Variants in TMEM14B observed in about 807,000 individuals in gnomAD.
TMEM14B encodes the protein transmembrane protein 14B.
In TMEM14B, 9 loss-of-function variants were observed where a neutral mutation model predicts 14.8. The ratio of observed to expected loss-of-function variants is 0.61; its 90% CI spans 0.37 to 1.06. The LOEUF (loss-of-function observed/expected upper bound fraction) is 1.06, where lower values mean the gene tolerates loss of function less well. Among genes scored for constraint, TMEM14B ranks in the 50% least tolerant of loss-of-function variants. TMEM14B has a pLI of 0.01. For missense variants in TMEM14B, 128 were observed against 143.6 expected (o/e 0.89, Z 0.56); for synonymous variants, 40 against 51.3 (o/e 0.78, Z 0.94).
downstream of TMEM14B, chr6:10,759,136 T>C (rs1771901369): frequency 6.3e-6 from 1 of 157,910 alleles, no homozygotes; most frequent in African/African-American, 2.4e-5. Flanking sequence ...GCCAGGCTGG[T>C]CTTGAACTGA....
chr6:10,758,049 A>G (rs953508640), downstream of TMEM14B, among the ~76,000 whole-genome samples: 1 of 151,758 alleles, frequency 6.6e-6, no homozygotes, highest in Non-Finnish European at 1.5e-5. Flanking sequence ...GGTTGAGTTT[A>G]GAGTATAATT....
chr6:10,758,437 A>G (rs1771876007), downstream of TMEM14B, among the ~76,000 whole-genome samples: 2 of 152,230 alleles, frequency 1.3e-5, no homozygotes, highest in South Asian at 4.1e-4. Context: ...CTGCCCACAG[A>G]TGAGAGGCAG....
rs772246957 is a variant in TMEM14B, at chr6:10,755,307, CCTTA to C, written c.293+79_293+82del. On this transcript the variant is annotated intron_variant, in intron 5 of 5. Transcript: ENST00000379542. ...CCCAGAATACTTTATGCATTCAAAA[CCTTA>C]CTTGTTTCAGAGTATCTGATGCTAT... The C allele has an allele frequency of 6.2e-6, 10 of 1,604,940 alleles. No individual in the cohort carries two copies. In the African/African-American group the frequency reaches 9.3e-5, roughly 15 times the overall value.
At chr6:10,757,105 C>A, downstream of TMEM14B, 1 of 608,180 alleles carries the variant, frequency 1.6e-6, no homozygotes, top group Non-Finnish European at 2.1e-6. Flanking sequence ...ATTTAAGGAC[C>A]AAGGAAAGTT....
At chr6:10,759,601 T>C (rs942085127), downstream of TMEM14B, 1 of 152,210 alleles carries the variant, frequency 6.6e-6, no homozygotes, top group Admixed American at 6.5e-5. Flanking sequence ...CTTTGACACA[T>C]TAAGCTGGAA....
intron 1 of TMEM14B, among the ~76,000 whole-genome samples, chr6:10,748,679 C>A (rs1397333007): frequency 6.6e-6 from 1 of 152,136 alleles, no homozygotes; most frequent in Admixed American, 6.5e-5. Context: ...ACATGTGATT[C>A]TGACTTGAGT....
At position 10,756,872 on chromosome 6, in the gene TMEM14B, C is replaced by G. The variant is rs560767885; in HGVS notation, c.*354C>G. The G allele has an allele frequency of 2.0e-6, 2 of 992,622 alleles. No homozygotes were observed. The highest frequency in any genetic ancestry group is 2.4e-6 in the Non-Finnish European group (2 of 834,980). The allele number at this position is 992,622 out of a possible 1,614,324, so 61.5% of individuals were successfully genotyped here. ...TCAGAGGAACAGTGTGAAAAAAAAT[C>G]TCTTGAGAGATTTAGAATATCTTTT... On this transcript the variant is annotated 3_prime_UTR_variant, in exon 6 of 6. Coordinates refer to ENST00000379542, the MANE Select transcript of TMEM14B (RefSeq NM_030969.5).
At chr6:10,759,492 A>C (rs1194844327), downstream of TMEM14B, 3 of 152,186 alleles carry the variant, frequency 2.0e-5, no homozygotes, top group Non-Finnish European at 4.4e-5. Context: ...GCTGAGTCAG[A>C]GCATCTCAGC....
chr6:10,755,349 G>A (rs763383785), intron 5 of TMEM14B, 117 bp downstream of exon 5: 7 of 1,563,454 alleles, frequency 4.5e-6, no homozygotes, highest in East Asian at 4.6e-5. Flanking sequence ...ATCAACTGAC[G>A]TTTGACTTAT....
At chr6:10,748,064 T>G (rs73438200) in intron 1 of TMEM14B, among the ~76,000 whole-genome samples, 183 bp downstream of exon 1, 14,660 of 152,102 alleles carry the variant, frequency 0.096, 2,121 homozygotes, top group African/African-American at 0.32. Flanking sequence ...CTGTGGATGC[T>G]CGGAGCACCT....
At chr6:10,758,500 T>C (rs1319575546), downstream of TMEM14B, among the ~76,000 whole-genome samples, 1 of 152,214 alleles carries the variant, frequency 6.6e-6, no homozygotes, top group African/African-American at 2.4e-5. Flanking sequence ...TCTGCAAAGA[T>C]CCCTGAGTAT....
rs1350942807 is a variant in TMEM14B, at chr6:10,749,240, A to G, written c.-6A>G. The G allele has an allele frequency of 9.3e-6, 15 of 1,614,140 alleles. No individual in the cohort carries two copies. Among genetic ancestry groups the G allele is most frequent in the Non-Finnish European group, 1.3e-5 (15 of 1,180,000 alleles). On this transcript the variant is annotated 5_prime_UTR_variant, in exon 2 of 6. Coordinates refer to ENST00000379542, the MANE Select transcript of TMEM14B (RefSeq NM_030969.5). ...GTAGTCTCCTTTCTGGACTGAGAAG[A>G]GAAGAATGGAGAAGCCCCTCTTCCC...
downstream of TMEM14B, among the ~76,000 whole-genome samples, chr6:10,758,664 CA>C (rs5874286): frequency 0.018 from 2,697 of 152,162 alleles, 235 homozygotes; most frequent in East Asian, 0.26. Context: ...TGTGGGGGCA[CA>C]AGGAGGGGAG....
intron 5 of TMEM14B, 51 bp downstream of exon 5, chr6:10,755,283 C>T (rs1235392783): frequency 1.9e-6 from 3 of 1,612,604 alleles, no homozygotes; most frequent in Non-Finnish European, 2.5e-6. Context: ...AGTTTATTGC[C>T]CAGAATACTT....
At chr6:10,755,065 T>A (rs987280037) in intron 4 of TMEM14B, 77 bp from the exon 5 acceptor site, 39 of 1,468,698 alleles carry the variant, frequency 2.7e-5, no homozygotes, top group Non-Finnish European at 3.4e-5. Flanking sequence ...CTTGAGAGAT[T>A]GGTGGGGCTT....
At chr6:10,753,773 C>T (rs530012089) in intron 4 of TMEM14B, among the ~76,000 whole-genome samples, 1 of 151,584 alleles carries the variant, frequency 6.6e-6, no homozygotes, top group Non-Finnish European at 1.5e-5. Flanking sequence ...CCCTTTCTGA[C>T]TAATTCATCA....
chr6:10,750,866 T>C (rs1771524584), intron 3 of TMEM14B, among the ~76,000 whole-genome samples: 3 of 152,034 alleles, frequency 2.0e-5, no homozygotes, highest in Admixed American at 6.6e-5. Flanking sequence ...GTCATAGTTC[T>C]GTCTAAGGAG....
chr6:10,748,967 G>C (rs1213593243), intron 1 of TMEM14B, among the ~76,000 whole-genome samples: 1 of 152,162 alleles, frequency 6.6e-6, no homozygotes, highest in African/African-American at 2.4e-5. Flanking sequence ...GTTTCCTGTG[G>C]ACCTATGTGA....
intron 4 of TMEM14B, among the ~76,000 whole-genome samples, chr6:10,753,352 T>C (rs1771668085): frequency 6.6e-6 from 1 of 152,128 alleles, no homozygotes; most frequent in African/African-American, 2.4e-5. Flanking sequence ...CAGTGACCTG[T>C]GTTTGTACAA....
Sources: allele counts gnomAD v4.1 joint callset (sites outside exome capture counted in the v4.1 genomes callset), GRCh38; gene constraint gnomAD v4.1.1; transcripts MANE v1.5; gene names NCBI Gene and HGNC (gene_info 2026-07-23, HGNC 2026-07-21).